Variants in DGKB observed in about 807,000 individuals in gnomAD.
The protein encoded by DGKB is diacylglycerol kinase beta, also known as 90 kDa diacylglycerol kinase.
DGKB carries 67 observed loss-of-function variants against 114.3 expected under a neutral mutation model. That is an observed-to-expected ratio of 0.59 (90% CI 0.48 to 0.72). DGKB has a LOEUF of 0.72. DGKB is among the 30% of genes least tolerant of loss of function. The pLI is 0.00. For missense variants in DGKB, 907 were observed against 975.2 expected (o/e 0.93, Z 0.93); for synonymous variants, 398 against 323.1 (o/e 1.23, Z -2.49).
At chr7:14,252,131 T>A (rs543189604) in intron 23 of DGKB, among the ~76,000 whole-genome samples, 1 of 152,290 alleles carries the variant, frequency 6.6e-6, no homozygotes, top group African/African-American at 2.4e-5. Context: ...ATAATGCATA[T>A]TTGGCTTTCT....
intron 23 of DGKB, among the ~76,000 whole-genome samples, chr7:14,301,477 A>G (rs1282858023): frequency 6.6e-6 from 1 of 152,150 alleles, no homozygotes; most frequent in Non-Finnish European, 1.5e-5. Flanking sequence ...AGCAATACTG[A>G]TCTAATTTGC....
At chr7:14,927,005 G>A (rs1784783375) in intron 1 of DGKB, among the ~76,000 whole-genome samples, 1 of 151,882 alleles carries the variant, frequency 6.6e-6, no homozygotes, top group Non-Finnish European at 1.5e-5. Context: ...TGAAAATTTG[G>A]GCTGCAGACT....
Position 14,430,109 on chromosome 7 carries a change from T to C in DGKB, c.1835+48052A>G, listed in dbSNP as rs545990048. Among the ~76,000 whole-genome samples, 3 of 152,294 alleles carry C rather than the reference T, an allele frequency of 2.0e-5. No individual in the cohort carries two copies. In the East Asian group the frequency reaches 5.8e-4, roughly 29 times the overall value. ...TTTGACTTGTTGTTATTAAAGTACA[T>C]AGTGTTTCTCTGTGGCCCGTTTTGG... On this transcript the variant is annotated intron_variant, in intron 21 of 25. Transcript: ENST00000402815.
At chr7:14,799,878 A>G (rs1190576446) in intron 2 of DGKB, among the ~76,000 whole-genome samples, 1 of 151,746 alleles carries the variant, frequency 6.6e-6, no homozygotes, top group African/African-American at 2.4e-5. Context: ...GTGGACTTTT[A>G]GTATTTTGAT....
chr7:14,936,995 C>G (rs942932483), intron 1 of DGKB, among the ~76,000 whole-genome samples: 10 of 141,846 alleles, frequency 7.0e-5, no homozygotes, highest in Non-Finnish European at 1.4e-4. Context: ...GGTTATAAAA[C>G]CAGCTATTGA....
At chr7:14,256,947 C>A (rs1039267451) in intron 23 of DGKB, among the ~76,000 whole-genome samples, 2 of 152,024 alleles carry the variant, frequency 1.3e-5, no homozygotes, top group Admixed American at 6.6e-5. Context: ...GGGAGAATTG[C>A]TGGAGCCCAG....
Position 14,210,862 on chromosome 7 carries a change from C to G in DGKB, c.2123-32711G>C, listed in dbSNP as rs1464090708. On this transcript the variant is annotated intron_variant, in intron 23 of 25. Transcript: ENST00000402815. ...AGATGTGTGACACCTCTGTCTTTGA[C>G]TTTATAAAGCAAACCCATCTCTTCC... 2.0e-5 allele frequency among the ~76,000 whole-genome samples: 3 copies of G among 152,036 alleles called. No homozygotes were observed. The South Asian group carries it at 6.2e-4, about 31-fold the overall frequency.
chr7:14,286,064 C>T (rs921520761), intron 23 of DGKB, among the ~76,000 whole-genome samples: 23 of 152,132 alleles, frequency 1.5e-4, no homozygotes, highest in Non-Finnish European at 2.9e-4. Flanking sequence ...CCTATTGACT[C>T]ACAAAGTTTG....
At chr7:14,321,165 C>A (rs1345795089) in intron 23 of DGKB, among the ~76,000 whole-genome samples, 1 of 152,078 alleles carries the variant, frequency 6.6e-6, no homozygotes, top group East Asian at 1.9e-4. Context: ...ATGGCACATG[C>A]CAGTGGTCCC....
chr7:14,695,478 T>TTCTC (rs1164986639), intron 8 of DGKB, among the ~76,000 whole-genome samples: 2 of 139,060 alleles, frequency 1.4e-5, no homozygotes, highest in African/African-American at 2.8e-5. Context: ...AAATGTTCAT[T>TTCTC]TCTCTCTCTC....
chr7:14,555,543 T>C (rs539430419), intron 20 of DGKB, among the ~76,000 whole-genome samples: 2 of 152,184 alleles, frequency 1.3e-5, no homozygotes, highest in Non-Finnish European at 2.9e-5. Flanking sequence ...TAATACTGAA[T>C]CTGTCCATGA....
At chr7:14,677,646 C>A (rs1203068032) in intron 12 of DGKB, among the ~76,000 whole-genome samples, 2 of 151,892 alleles carry the variant, frequency 1.3e-5, no homozygotes, top group African/African-American at 2.4e-5. Context: ...CCTTGACAAG[C>A]AATGATTCAC....
chr7:14,582,968 G>T (rs1800170800), intron 18 of DGKB, 84 bp downstream of exon 18: 1 of 883,298 alleles, frequency 1.1e-6, no homozygotes, highest in Non-Finnish European at 1.9e-6. Flanking sequence ...CAAAGATAAT[G>T]ATACAAGCAA....
chr7:14,783,073 A>T (rs1839367665), intron 2 of DGKB, among the ~76,000 whole-genome samples: 1 of 152,116 alleles, frequency 6.6e-6, no homozygotes, highest in Non-Finnish European at 1.5e-5. Flanking sequence ...TTAACTTTCC[A>T]TTTGGCTATT....
At chr7:14,411,992 G>C (rs1388873313) in intron 21 of DGKB, among the ~76,000 whole-genome samples, 2 of 152,132 alleles carry the variant, frequency 1.3e-5, no homozygotes, top group African/African-American at 2.4e-5. Flanking sequence ...AAATCAAGTT[G>C]TATAAGTAAT....
In DGKB at chr7:14,338,713, G is replaced by T. The variant is rs1303783520; in HGVS notation, c.1927-3C>A. 7.0e-7 allele frequency: 1 copy of T among 1,425,558 alleles called. No homozygotes were observed. 88.3% of individuals were successfully genotyped at this position (1,425,558 alleles called of 1,614,324 possible). ...AAATCTATCTGTACTCCATCACACT[G>T]ATCGGTAAAAAGAAAGAAACAGAAA... is the stretch of plus-strand genomic sequence containing the variant. On this transcript the variant is annotated splice_polypyrimidine_tract_variant and splice_region_variant and intron_variant, in intron 22 of 25. Transcript: ENST00000402815.
At chr7:14,892,923 C>T (rs1392628108) in intron 1 of DGKB, among the ~76,000 whole-genome samples, 1 of 146,346 alleles carries the variant, frequency 6.8e-6, no homozygotes, top group Non-Finnish European at 1.5e-5. Flanking sequence ...TACGCATATA[C>T]ATATCTATGT....
intron 20 of DGKB, among the ~76,000 whole-genome samples, chr7:14,522,086 G>A (rs899679694): frequency 3.9e-5 from 6 of 152,040 alleles, no homozygotes; most frequent in Admixed American, 6.6e-5. Context: ...ATAGCTTAGC[G>A]TTCACCCAAA....
chr7:14,844,943 C>A (rs926271814), intron 1 of DGKB, among the ~76,000 whole-genome samples: 5 of 151,472 alleles, frequency 3.3e-5, no homozygotes, highest in African/African-American at 1.2e-4. Flanking sequence ...CCTGTCTCTA[C>A]CAAAAATACA....
Sources: gnomAD v4.1 joint callset for allele counts (sites outside exome capture counted in the v4.1 genomes callset) on GRCh38, gnomAD v4.1.1 for gene constraint, MANE v1.5 for transcripts, NCBI Gene and HGNC (gene_info 2026-07-23, HGNC 2026-07-21) for gene names.